Variants in ESR2 observed in about 807,000 individuals in gnomAD.
ESR2 encodes estrogen receptor 2.
A neutral mutation model predicts 49.6 loss-of-function variants in ESR2; 36 were observed. The ratio of observed to expected loss-of-function variants is 0.73; its 90% CI spans 0.56 to 0.96. The LOEUF (loss-of-function observed/expected upper bound fraction) is 0.96, where lower values mean the gene tolerates loss of function less well. ESR2 is among the 40% of genes least tolerant of loss of function. The pLI is 0.00. For synonymous variants in ESR2, 320 were observed against 266.1 expected (o/e 1.20, Z -1.97); for missense variants, 714 against 693.0 (o/e 1.03, Z -0.34).
At chr14:64,311,197 A>G (rs2077183935) in intron 1 of ESR2, among the ~76,000 whole-genome samples, 1 of 152,214 alleles carries the variant, frequency 6.6e-6, no homozygotes, top group Non-Finnish European at 1.5e-5. Context: ...GCAATACTAA[A>G]GAAAATTATT....
intron 1 of ESR2, among the ~76,000 whole-genome samples, chr14:64,310,463 T>G (rs991055399): frequency 3.3e-5 from 5 of 151,212 alleles, no homozygotes; most frequent in Non-Finnish European, 5.9e-5. Context: ...TTTCAAAAAA[T>G]GCCGGAGAAC....
chr14:64,261,382 T>A (rs2076222300), intron 4 of ESR2, among the ~76,000 whole-genome samples: 1 of 151,500 alleles, frequency 6.6e-6, no homozygotes, highest in East Asian at 2.0e-4. Context: ...GGACTATGGG[T>A]GCCTGCCACC....
chr14:64,264,137 A>G (rs983094937), intron 4 of ESR2, among the ~76,000 whole-genome samples: 1 of 152,224 alleles, frequency 6.6e-6, no homozygotes, highest in African/African-American at 2.4e-5. Context: ...AGAAACCCTA[A>G]AAGTTGAAAT....
chr14:64,335,992 T>A (rs1007947198), intron 1 of ESR2: 2 of 147,184 alleles, frequency 1.4e-5, no homozygotes, highest in Non-Finnish European at 3.0e-5. Context: ...TGTGTGTGTG[T>A]GTGTGTGTGT....
At chr14:64,238,366 G>GC (rs2075651138) in intron 7 of ESR2, among the ~76,000 whole-genome samples, 1 of 151,984 alleles carries the variant, frequency 6.6e-6, no homozygotes, top group Non-Finnish European at 1.5e-5. Context: ...TAGGGGGGCA[G>GC]TGTATATACA....
intron 7 of ESR2, among the ~76,000 whole-genome samples, chr14:64,239,823 G>A (rs1371911583): frequency 1.3e-5 from 2 of 152,226 alleles, no homozygotes; most frequent in African/African-American, 2.4e-5. Flanking sequence ...CATAGTGGAA[G>A]AGGATTGGCT....
At chr14:64,259,916 G>T (rs1242079103) in intron 5 of ESR2, among the ~76,000 whole-genome samples, 1 of 152,100 alleles carries the variant, frequency 6.6e-6, no homozygotes, top group Non-Finnish European at 1.5e-5. Context: ...CCACAGCCAA[G>T]AAATGGGTCA....
At chr14:64,240,214 G>A (rs1356958196) in intron 7 of ESR2, among the ~76,000 whole-genome samples, 1 of 151,840 alleles carries the variant, frequency 6.6e-6, no homozygotes, top group Non-Finnish European at 1.5e-5. Context: ...ACTTAAGCAT[G>A]TCACATACAC....
At chr14:64,254,763 C>CA (rs1490235190) in intron 6 of ESR2, among the ~76,000 whole-genome samples, 5 of 136,684 alleles carry the variant, frequency 3.7e-5, no homozygotes, top group Non-Finnish European at 7.9e-5. Context: ...ATCTCAAAAA[C>CA]AAAAAACAAA....
intron 7 of ESR2, among the ~76,000 whole-genome samples, chr14:64,247,548 G>A (rs543543046): frequency 1.3e-5 from 2 of 152,204 alleles, no homozygotes; most frequent in African/African-American, 4.8e-5. Flanking sequence ...TTCAAGTATC[G>A]AACTCTAAGA....
chr14:64,263,674 A>T (rs1033708551), intron 4 of ESR2, among the ~76,000 whole-genome samples: 2 of 152,132 alleles, frequency 1.3e-5, no homozygotes, highest in African/African-American at 4.8e-5. Flanking sequence ...AAATAAATAA[A>T]TAGACAAACA....
intron 6 of ESR2, among the ~76,000 whole-genome samples, chr14:64,255,782 G>C (rs1268411044): frequency 6.6e-6 from 1 of 152,224 alleles, no homozygotes; most frequent in East Asian, 1.9e-4. Context: ...TGTTACTGAA[G>C]GGTCTTGTGC....
At position 64,246,761 on chromosome 14, in the gene ESR2, A is replaced by T. The variant is rs1017258635; in HGVS notation, c.1225+2785T>A. On this transcript the variant is annotated intron_variant, in intron 7 of 8. Transcript: ENST00000341099. ...AAAAAAAAAAAAAAAAAAAAAAAAAAAAAAAACACACCTGGCTGGACTTTC... is the reference window on the plus strand; with the variant it reads ...AAAAAAAAAAAAAAAAAAAAAAAAATAAAAAACACACCTGGCTGGACTTTC... 2.0e-5 allele frequency among the ~76,000 whole-genome samples: 3 copies of T among 149,048 alleles called. 1 individual carries two copies. The South Asian group carries it at 6.4e-4, about 32-fold the overall frequency.
At chr14:64,266,640 T>C (rs2076335014) in intron 4 of ESR2, among the ~76,000 whole-genome samples, 1 of 152,230 alleles carries the variant, frequency 6.6e-6, no homozygotes, top group Non-Finnish European at 1.5e-5. Context: ...GCTTTCTCTT[T>C]AAGCATCTGG....
chr14:64,237,736 C>T (rs2075635739), intron 7 of ESR2, among the ~76,000 whole-genome samples: 1 of 152,154 alleles, frequency 6.6e-6, no homozygotes, highest in South Asian at 2.1e-4. Context: ...TACAGATGAA[C>T]CTTGAAAACA....
chr14:64,254,700 G>T (rs2076061788), intron 6 of ESR2, among the ~76,000 whole-genome samples: 1 of 152,036 alleles, frequency 6.6e-6, no homozygotes, highest in African/African-American at 2.4e-5. Context: ...GGAGATTGCA[G>T]TGAGCTGAGA....
chr14:64,270,518 T>C (rs1418988362), intron 3 of ESR2, among the ~76,000 whole-genome samples: 1 of 149,500 alleles, frequency 6.7e-6, no homozygotes, highest in Non-Finnish European at 1.5e-5. Context: ...AAAGGTAATT[T>C]TTTTTTTTTT....
At chr14:64,310,286 AAAT>A (rs140862502) in intron 1 of ESR2, among the ~76,000 whole-genome samples, 2,087 of 142,424 alleles carry the variant, frequency 0.015, 54 homozygotes, top group African/African-American at 0.044. Flanking sequence ...TCGTCTCAAA[AAAT>A]AATAATAATA....
In ESR2 at chr14:64,260,624, C is replaced by CTGCT; in HGVS notation, c.776_777insAGCA (p.Leu260AlafsTer18). On this transcript the variant is annotated frameshift_variant, in exon 5 of 9. Coordinates refer to ENST00000341099, the MANE Select transcript of ESR2 (RefSeq NM_001437.3). LOFTEE classifies it high-confidence loss of function. ...GCTGCTCGGGGCTCAGGGCGTCCAGCAGCAGCTCCCGCACTCGGGGCGCGT... is the reference window on the plus strand; with the variant it reads ...GCTGCTCGGGGCTCAGGGCGTCCAGCTGCTAGCAGCTCCCGCACTCGGGGCGCGT... 1 of 1,610,666 alleles carries CTGCT rather than the reference C, an allele frequency of 6.2e-7. No homozygotes were observed. The highest frequency in any genetic ancestry group is 8.5e-7 in the Non-Finnish European group (1 of 1,178,314).
Sources: allele counts gnomAD v4.1 joint callset (sites outside exome capture counted in the v4.1 genomes callset), GRCh38; gene constraint gnomAD v4.1.1; transcripts MANE v1.5; gene names NCBI Gene and HGNC (gene_info 2026-07-23, HGNC 2026-07-21).